ACVR1B: variants seen among roughly 807,000 people sequenced by gnomAD.
ACVR1B encodes activin A receptor type 1B.
A neutral mutation model predicts 55.6 loss-of-function variants in ACVR1B; 15 were observed. That is an observed-to-expected ratio of 0.27 (90% CI 0.18 to 0.42). The LOEUF is 0.42. Among genes scored for constraint, ACVR1B ranks in the 10% least tolerant of loss-of-function variants. The pLI is 1.00. For synonymous variants in ACVR1B, 247 were observed against 254.6 expected (o/e 0.97, Z 0.28); for missense variants, 359 against 670.1 (o/e 0.54, Z 5.13).
chr12:51,957,996 G>A (rs2120440146), intron 1 of ACVR1B, among the ~76,000 whole-genome samples: 1 of 152,322 alleles, frequency 6.6e-6, no homozygotes, highest in Middle Eastern at 3.4e-3. Context: ...AAGGCAGGGT[G>A]TTGCCTTGTT....
At chr12:51,980,820 G>GT in intron 3 of ACVR1B, 149 bp from the exon 4 acceptor site, 1 of 646,716 alleles carries the variant, frequency 1.5e-6, no homozygotes. Flanking sequence ...CTAGAAATGT[G>GT]TATGGGCAGC....
At chr12:51,988,328 G>A (rs977735425) in intron 7 of ACVR1B, among the ~76,000 whole-genome samples, 1 of 152,216 alleles carries the variant, frequency 6.6e-6, no homozygotes, top group Non-Finnish European at 1.5e-5. Context: ...AATTAGCAGG[G>A]CATGGTGGTG....
At chr12:51,961,999 A>G (rs1440095747) in intron 1 of ACVR1B, among the ~76,000 whole-genome samples, 1 of 152,198 alleles carries the variant, frequency 6.6e-6, no homozygotes, top group African/African-American at 2.4e-5. Flanking sequence ...ATTAAGTTGC[A>G]ATGACAGGTC....
rs1359466210 is a variant in ACVR1B at position 51,995,545 on chromosome 12, C to T, written c.*1435C>T. ...ATAACTTTGAAGCCATAACTTTTAACTGGAGTGGTTTGATTTCTTTTTTTA... is the reference window on the plus strand; with the variant it reads ...ATAACTTTGAAGCCATAACTTTTAATTGGAGTGGTTTGATTTCTTTTTTTA... On this transcript the variant is annotated 3_prime_UTR_variant, in exon 9 of 9. Transcript: ENST00000257963. 1 of 152,440 alleles carries T rather than the reference C, an allele frequency of 6.6e-6. No individual in the cohort carries two copies. The highest frequency in any genetic ancestry group is 1.9e-4 in the East Asian group (1 of 5,196). 9.4% of individuals were successfully genotyped at this position (152,440 alleles called of 1,614,324 possible).
At chr12:51,969,799 C>T (rs1941712055) in intron 1 of ACVR1B, among the ~76,000 whole-genome samples, 1 of 152,082 alleles carries the variant, frequency 6.6e-6, no homozygotes, top group African/African-American at 2.4e-5. Flanking sequence ...CAGAAGGGAT[C>T]GTGTGTGGCC....
intron 1 of ACVR1B, among the ~76,000 whole-genome samples, chr12:51,959,779 C>G (rs562718815): frequency 6.6e-6 from 1 of 152,244 alleles, no homozygotes; most frequent in Admixed American, 6.5e-5. Flanking sequence ...CCACATGTGG[C>G]TTTCATCTGA....
At chr12:51,974,976 G>T (rs1941819657) in intron 1 of ACVR1B, among the ~76,000 whole-genome samples, 1 of 152,168 alleles carries the variant, frequency 6.6e-6, no homozygotes, top group Admixed American at 6.5e-5. Flanking sequence ...CCAAAAGGAA[G>T]ATGCTTTCCT....
At chr12:51,978,285 C>G (rs1941907575) in intron 3 of ACVR1B, among the ~76,000 whole-genome samples, 1 of 151,950 alleles carries the variant, frequency 6.6e-6, no homozygotes, top group Non-Finnish European at 1.5e-5. Context: ...TTTTTAAGAC[C>G]CAGACCAGCT....
chr12:51,983,836 A>G (rs113186949), intron 4 of ACVR1B, among the ~76,000 whole-genome samples, 163 bp from the exon 5 acceptor site: 9 of 152,350 alleles, frequency 5.9e-5, no homozygotes, highest in African/African-American at 1.9e-4. Context: ...GTAGACCACT[A>G]TAAATGAAAG....
intron 3 of ACVR1B, among the ~76,000 whole-genome samples, chr12:51,976,877 T>C (rs1308404194): frequency 1.3e-5 from 2 of 152,234 alleles, no homozygotes; most frequent in Admixed American, 1.3e-4. Context: ...TGGTCCCACC[T>C]GAGCAGTGGA....
At chr12:51,968,739 A>G (rs1592248273) in intron 1 of ACVR1B, among the ~76,000 whole-genome samples, 1 of 152,162 alleles carries the variant, frequency 6.6e-6, no homozygotes, top group South Asian at 2.1e-4. Flanking sequence ...GAGGAGCCTA[A>G]GCTAACCTAA....
At chr12:51,983,581 T>A (rs1033991496) in intron 4 of ACVR1B, among the ~76,000 whole-genome samples, 1 of 152,206 alleles carries the variant, frequency 6.6e-6, no homozygotes, top group Non-Finnish European at 1.5e-5. Flanking sequence ...TGTTTGGTGG[T>A]GGTAGATCCA....
At position 51,995,468 on chromosome 12, in the gene ACVR1B, C is replaced by T. The variant is rs1942281877; in HGVS notation, c.*1358C>T. 1 of 152,532 alleles carries T rather than the reference C, an allele frequency of 6.6e-6. No homozygotes were observed. Among genetic ancestry groups the T allele is most frequent in the Non-Finnish European group, 1.5e-5 (1 of 68,032 alleles). The allele number at this position is 152,532 out of a possible 1,614,324, so 9.4% of individuals were successfully genotyped here. ...AACCTGAGTATAGTATTTAACGAAG[C>T]CTAGAAGCACGGCTGTGGGTGGTGA... On this transcript the variant is annotated 3_prime_UTR_variant, in exon 9 of 9. Transcript: ENST00000257963.
chr12:51,994,372 G>T lies in ACVR1B; in HGVS notation c.*262G>T, dbSNP rs1358666755. On this transcript the variant is annotated 3_prime_UTR_variant, in exon 9 of 9. Transcript: ENST00000257963. This position sits in a 1 kb window ranked among gnomAD's most constrained non-coding sequence, Gnocchi z 4.2. Reference sequence around the variant, plus strand: ...AGAACTCAGTGCCACACCTCGAACTGGTTGTAGTGGGAAGTCCCGCGAAAC... The same window carrying T: ...AGAACTCAGTGCCACACCTCGAACTTGTTGTAGTGGGAAGTCCCGCGAAAC... The T allele has an allele frequency of 1.5e-5, 6 of 413,050 alleles. No individual in the cohort carries two copies. Among genetic ancestry groups the T allele is most frequent in the Non-Finnish European group, 2.6e-5 (6 of 227,750 alleles). 25.6% of individuals were successfully genotyped at this position (413,050 alleles called of 1,614,324 possible). A position where few individuals can be genotyped will look rare whatever the true frequency, so the allele number is the denominator to read the frequency against.
intron 7 of ACVR1B, among the ~76,000 whole-genome samples, chr12:51,989,712 G>A (rs903454187): frequency 3.0e-4 from 45 of 152,112 alleles, no homozygotes; most frequent in African/African-American, 1.1e-3. Context: ...TAGGCCGGGC[G>A]CGGTGGCTCA....
At chr12:51,989,996 A>C (rs191658749) in intron 7 of ACVR1B, among the ~76,000 whole-genome samples, 2 of 151,966 alleles carry the variant, frequency 1.3e-5, no homozygotes, top group East Asian at 3.9e-4. Context: ...AAAAGGAAAA[A>C]AAAATGAACA....
intron 7 of ACVR1B, among the ~76,000 whole-genome samples, chr12:51,989,160 G>T (rs952055306): frequency 6.6e-6 from 1 of 152,092 alleles, no homozygotes; most frequent in Admixed American, 6.5e-5. Context: ...GGAGGTTGAG[G>T]TAGGAGAGAC....
At chr12:51,981,836 G>A (rs1941985864) in intron 4 of ACVR1B, among the ~76,000 whole-genome samples, 1 of 146,336 alleles carries the variant, frequency 6.8e-6, no homozygotes, top group Non-Finnish European at 1.5e-5. Context: ...GCGACAGAGC[G>A]AGACTCCGTC....
chr12:51,982,381 C>T (rs1002712117), intron 4 of ACVR1B, among the ~76,000 whole-genome samples: 2 of 152,126 alleles, frequency 1.3e-5, no homozygotes, highest in Non-Finnish European at 2.9e-5. Flanking sequence ...AAATTTCATT[C>T]ATTAATTCTA....
Sources: gnomAD v4.1 joint callset for allele counts (sites outside exome capture counted in the v4.1 genomes callset) on GRCh38, gnomAD v4.1.1 for gene constraint, Gnocchi (gnomAD v3.1) non-coding constraint, MANE v1.5 for transcripts, NCBI Gene and HGNC (gene_info 2026-07-23, HGNC 2026-07-21) for gene names.